CAB39L: variants seen among roughly 807,000 people sequenced by gnomAD.
CAB39L encodes calcium-binding protein 39-like.
A neutral mutation model predicts 39.1 loss-of-function variants in CAB39L; 23 were observed. The ratio of observed to expected loss-of-function variants is 0.59; its 90% confidence interval spans 0.42 to 0.83. CAB39L has a LOEUF of 0.83. CAB39L is among the 40% of genes least tolerant of loss of function. CAB39L has a pLI of 0.00. For synonymous variants in CAB39L, 126 were observed against 137.2 expected (o/e 0.92, Z 0.57); for missense variants, 366 against 391.9 (o/e 0.93, Z 0.56).
chr13:49,422,887 TA>T (rs572575940), intron 3 of CAB39L, among the ~76,000 whole-genome samples: 113 of 152,292 alleles, frequency 7.4e-4, no homozygotes, highest in African/African-American at 2.7e-3. Flanking sequence ...CTTTAAGTAT[TA>T]AAAAATATAC....
At chr13:49,329,544 AATATATATATATATAT>A (rs1179579885) in intron 10 of CAB39L, among the ~76,000 whole-genome samples, 1,108 of 33,708 alleles carry the variant, frequency 0.033, 57 homozygotes, top group South Asian at 0.12. Context: ...TAAAAAAAAA[AATATATATATATATAT>A]ATATATATAT....
chr13:49,393,601 T>C (rs997248597), intron 3 of CAB39L, among the ~76,000 whole-genome samples: 1 of 151,958 alleles, frequency 6.6e-6, no homozygotes, highest in Non-Finnish European at 1.5e-5. Context: ...TTCTGCATTA[T>C]TTATAATGAG....
intron 5 of CAB39L, among the ~76,000 whole-genome samples, chr13:49,362,128 T>A (rs1237996503): frequency 4.6e-5 from 7 of 151,874 alleles, no homozygotes; most frequent in African/African-American, 1.7e-4. Context: ...TATATACATA[T>A]TATAAATAAG....
intron 7 of CAB39L, among the ~76,000 whole-genome samples, chr13:49,344,970 T>C (rs1829346227): frequency 6.6e-6 from 1 of 152,146 alleles, no homozygotes; most frequent in South Asian, 2.1e-4. Context: ...ATGGCAGATA[T>C]AAACTTGCAG....
At chr13:49,408,695 G>A (rs1265859620) in intron 3 of CAB39L, among the ~76,000 whole-genome samples, 1 of 152,092 alleles carries the variant, frequency 6.6e-6, no homozygotes, top group African/African-American at 2.4e-5. Context: ...GTTGGGTGTG[G>A]TGGTACACTC....
chr13:49,311,260 G>A (rs1484495236), intron 10 of CAB39L, among the ~76,000 whole-genome samples: 3 of 152,084 alleles, frequency 2.0e-5, no homozygotes, highest in Non-Finnish European at 4.4e-5. Flanking sequence ...CCATTGCCTT[G>A]TGATATCGTA....
At chr13:49,368,962 A>G (rs1955839993) in intron 5 of CAB39L, among the ~76,000 whole-genome samples, 1 of 152,160 alleles carries the variant, frequency 6.6e-6, no homozygotes, top group Non-Finnish European at 1.5e-5. Flanking sequence ...TGACTTTTAT[A>G]TAGAATATAT....
intron 7 of CAB39L, among the ~76,000 whole-genome samples, chr13:49,349,142 C>T (rs891880516): frequency 6.6e-6 from 1 of 152,182 alleles, no homozygotes. Flanking sequence ...CTGCTTTCCC[C>T]TTTTTCCACC....
In CAB39L at chr13:49,382,797, T is replaced by C. The variant is rs1342960255; in HGVS notation, c.111+3A>G. The stretch of plus-strand genomic sequence containing the variant: ...ATCATAATGTTACTGTTTTAGCTCT[T>C]ACCTTGTCTGTCTTTTTGTCTTGCT... On this transcript the variant is annotated splice_donor_region_variant and intron_variant, in intron 4 of 10. Transcript: ENST00000409308. The C allele has an allele frequency of 1.3e-6, 2 of 1,570,344 alleles. No individual in the cohort carries two copies. The highest frequency in any genetic ancestry group is 1.8e-6 in the Non-Finnish European group (2 of 1,142,064).
At chr13:49,386,886 T>A (rs1329414212) in intron 3 of CAB39L, among the ~76,000 whole-genome samples, 1 of 151,068 alleles carries the variant, frequency 6.6e-6, no homozygotes, top group Non-Finnish European at 1.5e-5. Flanking sequence ...ACCTCCTCCA[T>A]CACCTGGAAA....
intron 5 of CAB39L, among the ~76,000 whole-genome samples, chr13:49,361,477 C>CA (rs33984866): frequency 0.025 from 1,363 of 54,320 alleles, 49 homozygotes; most frequent in African/African-American, 0.057. Context: ...GACTTCATCT[C>CA]AAAAAAAAAA....
intron 10 of CAB39L, among the ~76,000 whole-genome samples, chr13:49,312,666 C>T (rs534957151): frequency 3.1e-4 from 47 of 152,362 alleles, no homozygotes; most frequent in African/African-American, 1.1e-3. Context: ...TTAAGCGCCA[C>T]AGGCCTGCAC....
At chr13:49,405,524 C>A (rs73186902) in intron 3 of CAB39L, among the ~76,000 whole-genome samples, 3 of 151,544 alleles carry the variant, frequency 2.0e-5, no homozygotes, top group Admixed American at 6.6e-5. Context: ...TCTGTAATCC[C>A]AGCACTTTGG....
At chr13:49,350,972 G>A in intron 6 of CAB39L, 60 bp from the exon 7 acceptor site, 3 of 1,278,002 alleles carry the variant, frequency 2.3e-6, no homozygotes, top group Middle Eastern at 2.0e-4. Context: ...TAATATTAAT[G>A]GCATCAAAAG....
chr13:49,377,012 G>A lies in CAB39L; in HGVS notation c.231C>T (p.Gly77=), dbSNP rs148907888. ...AQLAQELYSS[G]LLVTLIADLQ... is the part of the protein sequence containing the mutation. ...GGTCAGCTATCAGTGTCACTAGCAG[G>A]CCACTGCTGTAGAGTTCTTGTGCTA... The change falls in exon 5 of 11, where the codon GGC becomes GGT. Residue 77 remains glycine, a synonymous_variant. Coordinates refer to ENST00000409308, the MANE Select transcript of CAB39L (RefSeq NM_001079670.3). The A allele has an allele frequency of 6.2e-4, 996 of 1,613,328 alleles. 2 individuals carry two copies. The highest frequency in any genetic ancestry group is 4.9e-4 in the Non-Finnish European group (578 of 1,179,432).
intron 5 of CAB39L, among the ~76,000 whole-genome samples, chr13:49,360,098 G>A (rs1299993475): frequency 1.3e-5 from 2 of 152,136 alleles, no homozygotes; most frequent in Non-Finnish European, 1.5e-5. Flanking sequence ...ACAGAGCATG[G>A]AAGGACATAA....
At chr13:49,418,930 A>G (rs962918782) in intron 3 of CAB39L, among the ~76,000 whole-genome samples, 18 of 152,338 alleles carry the variant, frequency 1.2e-4, no homozygotes, top group African/African-American at 4.3e-4. Flanking sequence ...TATATTTGAA[A>G]AGAACCTTAT....
chr13:49,386,387 A>G (rs908892212), intron 3 of CAB39L, among the ~76,000 whole-genome samples: 13 of 152,276 alleles, frequency 8.5e-5, no homozygotes, highest in Admixed American at 3.3e-4. Context: ...TACTGAGCAC[A>G]GGCACTTTGC....
At chr13:49,346,125 C>CTAGATATATATATATAT (rs1955166020) in intron 7 of CAB39L, among the ~76,000 whole-genome samples, 1 of 10,232 alleles carries the variant, frequency 9.8e-5, no homozygotes, top group African/African-American at 3.1e-4. Flanking sequence ...ATATATATAT[C>CTAGATATATATATATAT]ATGGATACAG....
Sources: gnomAD v4.1 joint callset for allele counts (sites outside exome capture counted in the v4.1 genomes callset) on GRCh38, gnomAD v4.1.1 for gene constraint, MANE v1.5 for transcripts, NCBI Gene and HGNC (gene_info 2026-07-23, HGNC 2026-07-21) for gene names.